SHISA6: variants seen among roughly 807,000 people sequenced by gnomAD.
SHISA6 encodes the protein shisa family member 6, also known as protein shisa-6.
In SHISA6, 22 loss-of-function variants were observed where a neutral mutation model predicts 47.9. The ratio of observed to expected loss-of-function variants is 0.46; its 90% CI spans 0.33 to 0.66. SHISA6 has a LOEUF of 0.66. Ranked by LOEUF, SHISA6 falls within the 30% of genes least tolerant of loss-of-function variation. The probability of loss-of-function intolerance (pLI) is 0.02; values close to 1 mark genes in which losing one functional copy is unlikely to be tolerated. For missense variants in SHISA6, 680 were observed against 764.6 expected (o/e 0.89, Z 1.30); for synonymous variants, 388 against 337.8 (o/e 1.15, Z -1.63).
rs1250028362 is a variant in SHISA6 at position 11,563,501 on chromosome 17, T to C, written c.*5197T>C. On this transcript the variant is annotated 3_prime_UTR_variant, in exon 6 of 6. Coordinates refer to ENST00000441885, the MANE Select transcript of SHISA6 (RefSeq NM_207386.4). ...CTTCCATCAGTCAGAGAAATAATGT[T>C]GTGGCTGTGTGTTTCCTTAATGCTC... The C allele has an allele frequency of 6.6e-6, 1 of 152,222 alleles. No individual in the cohort carries two copies. Among genetic ancestry groups the C allele is most frequent in the Non-Finnish European group, 1.5e-5 (1 of 68,048 alleles). 9.4% of individuals were successfully genotyped at this position (152,222 alleles called of 1,614,324 possible).
At chr17:11,302,288 G>GT (rs1909954989) in intron 2 of SHISA6, among the ~76,000 whole-genome samples, 1 of 152,170 alleles carries the variant, frequency 6.6e-6, no homozygotes, top group South Asian at 2.1e-4. Flanking sequence ...AATTTGAGGA[G>GT]TTGTAGAGAG....
chr17:11,272,533 C>T (rs575248123), intron 2 of SHISA6, among the ~76,000 whole-genome samples: 4 of 152,254 alleles, frequency 2.6e-5, no homozygotes, highest in African/African-American at 4.8e-5. Context: ...CTTAACCTTC[C>T]GTGCTTCAGT....
chr17:11,297,607 G>A (rs1352435544), intron 2 of SHISA6, among the ~76,000 whole-genome samples: 1 of 152,178 alleles, frequency 6.6e-6, no homozygotes, highest in Non-Finnish European at 1.5e-5. Flanking sequence ...ATATTAACCA[G>A]AATCTGGCCA....
At chr17:11,289,687 G>A (rs915645670) in intron 2 of SHISA6, 1 of 151,532 alleles carries the variant, frequency 6.6e-6, no homozygotes, top group African/African-American at 2.4e-5. Context: ...TTTGGCAATT[G>A]TACTTTCAAA....
chr17:11,496,751 A>G (rs2071412371), intron 3 of SHISA6, among the ~76,000 whole-genome samples: 1 of 151,546 alleles, frequency 6.6e-6, no homozygotes. Flanking sequence ...AAAAAAAGAA[A>G]AAAAAAAAAA....
chr17:11,527,555 A>G (rs922547564), intron 3 of SHISA6, among the ~76,000 whole-genome samples: 1 of 152,204 alleles, frequency 6.6e-6, no homozygotes, highest in African/African-American at 2.4e-5. Flanking sequence ...TAAATTAGAA[A>G]TAACCTCATG....
Position 11,560,491 on chromosome 17 carries a change from CCT to C in SHISA6, c.*2188_*2189del, listed in dbSNP as rs1359417802. ...AGAGCAGGTGGCTCCCAGCTGGGCC[CCT>C]GAGCCCAGCACCTTTGAATCGTCTA... On this transcript the variant is annotated 3_prime_UTR_variant, in exon 6 of 6. Coordinates refer to ENST00000441885, the MANE Select transcript of SHISA6 (RefSeq NM_207386.4). The C allele has an allele frequency of 1.3e-5, 2 of 152,356 alleles. No homozygotes were observed. The highest frequency in any genetic ancestry group is 2.9e-5 in the Non-Finnish European group (2 of 68,172). 9.4% of individuals were successfully genotyped at this position (152,356 alleles called of 1,614,324 possible).
At chr17:11,293,419 G>T (rs1425644202) in intron 2 of SHISA6, among the ~76,000 whole-genome samples, 1 of 152,156 alleles carries the variant, frequency 6.6e-6, no homozygotes, top group African/African-American at 2.4e-5. Context: ...CAGAGATTCG[G>T]CAGTGCCCTT....
chr17:11,429,871 A>C (rs72807158), intron 3 of SHISA6, among the ~76,000 whole-genome samples: 11,815 of 152,006 alleles, frequency 0.078, 516 homozygotes, highest in Admixed American at 0.12. Context: ...AAAAAAAAAA[A>C]AACAATAAAC....
In SHISA6 at chr17:11,558,627, C is replaced by A; in HGVS notation, c.*323C>A. 2.6e-6 allele frequency: 1 copy of A among 388,632 alleles called. No individual in the cohort carries two copies. Among genetic ancestry groups the A allele is most frequent in the Non-Finnish European group, 4.7e-6 (1 of 210,690 alleles). 24.1% of individuals were successfully genotyped at this position (388,632 alleles called of 1,614,324 possible). A position where few individuals can be genotyped will look rare whatever the true frequency, so the allele number is the denominator to read the frequency against. On this transcript the variant is annotated 3_prime_UTR_variant, in exon 6 of 6. Coordinates refer to ENST00000441885, the MANE Select transcript of SHISA6 (RefSeq NM_207386.4). ...TTTCCGTCCCGCGCCTCCTTCTCCC[C>A]ATCCGGGGGACTCAGCTGCAGGTTC...
chr17:11,252,152 C>T (rs1907835589), intron 1 of SHISA6, among the ~76,000 whole-genome samples: 1 of 152,232 alleles, frequency 6.6e-6, no homozygotes, highest in Non-Finnish European at 1.5e-5. Context: ...CTGTCCCTCT[C>T]TCCAGACCCA....
rs1911633617 is a variant in SHISA6 at position 11,344,542 on chromosome 17, G to A, written c.800-34872G>A. Among the ~76,000 whole-genome samples, 4 of 152,082 alleles carry A rather than the reference G, an allele frequency of 2.6e-5. No homozygotes were observed. The South Asian group carries it at 6.2e-4, about 24-fold the overall frequency. On this transcript the variant is annotated intron_variant, in intron 2 of 5. Transcript: ENST00000441885. ...ACCACCACCGTTTATGAAAAAGAGT[G>A]TTTTGTCTCTTATTGTCAGAAATCA...
chr17:11,557,210 T>C (rs1336148582), intron 5 of SHISA6, among the ~76,000 whole-genome samples: 1 of 152,226 alleles, frequency 6.6e-6, no homozygotes, highest in Non-Finnish European at 1.5e-5. Flanking sequence ...CACAAGTGTT[T>C]CCTAGTCTGA....
intron 3 of SHISA6, among the ~76,000 whole-genome samples, chr17:11,535,769 A>T (rs1422134224): frequency 2.0e-5 from 3 of 152,218 alleles, no homozygotes; most frequent in East Asian, 1.9e-4. Context: ...GGGCAACTCA[A>T]TGTCATCTAT....
intron 3 of SHISA6, among the ~76,000 whole-genome samples, chr17:11,416,486 C>G (rs935221671): frequency 2.6e-5 from 4 of 152,104 alleles, no homozygotes; most frequent in Non-Finnish European, 5.9e-5. Flanking sequence ...GTCTGCAGAA[C>G]TGTATGGATC....
chr17:11,558,305 CCGGCGGGG>C lies in SHISA6; in HGVS notation c.*3_*10del. 6 of 1,536,492 alleles carry C rather than the reference CCGGCGGGG, an allele frequency of 3.9e-6. No homozygotes were observed. The highest frequency in any genetic ancestry group is 5.2e-6 in the Non-Finnish European group (6 of 1,146,000). On this transcript the variant is annotated 3_prime_UTR_variant, in exon 6 of 6. Transcript: ENST00000441885. ...CAGCAAGACCGAAGTGACCGTGTGA[CCGGCGGGG>C]CAGGGCCGGGGCTGCTGGGCGTGGC...
intron 2 of SHISA6, among the ~76,000 whole-genome samples, chr17:11,324,933 G>T (rs73976938): frequency 6.6e-6 from 1 of 152,050 alleles, no homozygotes; most frequent in Non-Finnish European, 1.5e-5. Context: ...CTGGTCCCTG[G>T]AGCCCTCCCC....
intron 3 of SHISA6, among the ~76,000 whole-genome samples, chr17:11,464,117 A>T (rs564462657): frequency 2.0e-5 from 3 of 151,960 alleles, no homozygotes; most frequent in Non-Finnish European, 4.4e-5. Flanking sequence ...GGGTCTTGCT[A>T]TGTTGCCCAG....
chr17:11,250,281 TC>T (rs532877280), intron 1 of SHISA6, among the ~76,000 whole-genome samples: 333 of 152,332 alleles, frequency 2.2e-3, no homozygotes, highest in African/African-American at 7.6e-3. Flanking sequence ...CTTCTTTCTA[TC>T]CCAGGGCTGT....
Sources: allele counts gnomAD v4.1 joint callset (sites outside exome capture counted in the v4.1 genomes callset), GRCh38; gene constraint gnomAD v4.1.1; transcripts MANE v1.5; gene names NCBI Gene and HGNC (gene_info 2026-07-23, HGNC 2026-07-21).